ELMOD1: variants seen among roughly 807,000 people sequenced by gnomAD.
ELMOD1 encodes ELMO domain containing 1, also known as ELMO domain-containing protein 1.
A neutral mutation model predicts 46.7 loss-of-function variants in ELMOD1; 21 were observed. That is an observed-to-expected ratio of 0.45 (90% CI 0.32 to 0.65). The LOEUF is 0.65. ELMOD1 is among the 30% of genes least tolerant of loss of function. The probability of loss-of-function intolerance (pLI) is 0.04; values close to 1 mark genes in which losing one functional copy is unlikely to be tolerated. For synonymous variants in ELMOD1, 122 were observed against 138.2 expected (o/e 0.88, Z 0.82); for missense variants, 348 against 407.8 (o/e 0.85, Z 1.26).
intron 7 of ELMOD1, among the ~76,000 whole-genome samples, chr11:107,648,365 G>A (rs142498579): frequency 3.3e-5 from 5 of 152,166 alleles, no homozygotes; most frequent in East Asian, 3.9e-4. Flanking sequence ...ACTTGTATCC[G>A]TCCCCTGTAT....
rs75427336 is a variant in ELMOD1 at position 107,611,264 on chromosome 11, C to T, written c.-85-6841C>T. Among the ~76,000 whole-genome samples the T allele has an allele frequency of 7.4e-3, 1,122 of 152,138 alleles. 10 individuals carry two copies. The highest frequency in any genetic ancestry group is 0.031 in the Middle Eastern group (9 of 294). ...ATTAAACTAAAGAACTTCTGCATGG[C>T]AAAAGAAATTATTGACAAAGTAAAC... On this transcript the variant is annotated intron_variant, in intron 1 of 11. Coordinates refer to ENST00000265840, the MANE Select transcript of ELMOD1 (RefSeq NM_018712.4).
In ELMOD1 at chr11:107,645,410, G is replaced by A. The variant is rs7933340; in HGVS notation, c.421-2058G>A. Among the ~76,000 whole-genome samples, 289 of 152,096 alleles carry A rather than the reference G, an allele frequency of 1.9e-3. 1 individual carries two copies. The highest frequency in any genetic ancestry group is 6.0e-3 in the African/African-American group (251 of 41,488). On this transcript the variant is annotated intron_variant, in intron 6 of 11. Coordinates refer to ENST00000265840, the MANE Select transcript of ELMOD1 (RefSeq NM_018712.4). Reference sequence around the variant, plus strand: ...GCTATCTCGACTCACTGCAAGCTCCGCCTCCTGGGTTCAAGCAATTCTCCT... The same window carrying A: ...GCTATCTCGACTCACTGCAAGCTCCACCTCCTGGGTTCAAGCAATTCTCCT...
chr11:107,651,504 A>G lies in ELMOD1; in HGVS notation c.647+596A>G, dbSNP rs1866525450. Among the ~76,000 whole-genome samples the G allele has an allele frequency of 2.6e-5, 4 of 152,018 alleles. No individual in the cohort carries two copies. The South Asian group carries it at 8.3e-4, about 31-fold the overall frequency. ...TGGGCTTTTTTTCCCCCTCCACCTT[A>G]CTATTTTACTCATTCTAGCTTCATT... On this transcript the variant is annotated intron_variant, in intron 9 of 11. Transcript: ENST00000265840.
At chr11:107,591,696 G>A (rs1865395371) in intron 1 of ELMOD1, 4 of 368,556 alleles carry the variant, frequency 1.1e-5, no homozygotes. Context: ...CTCGGCCCGG[G>A]CGTAGGTCGC....
chr11:107,630,448 T>C lies in ELMOD1; in HGVS notation c.49T>C (p.Cys17Arg). ...MLIQVCLYFY[C>R]KFLWRCLKFV... ...GATCCAGGTATGCCTGTATTTTTAC[T>C]GTAAATTTCTGTGGCGCTGCCTGAA... The change falls in exon 3 of 12, where the codon TGT becomes CGT. Residue 17 changes from cysteine to arginine, a missense_variant. By Grantham distance (180) the Cys-to-Arg change is radical. Transcript: ENST00000265840. The C allele has an allele frequency of 6.2e-7, 1 of 1,603,182 alleles. No homozygotes were observed.
At chr11:107,605,935 C>T (rs771670411) in intron 1 of ELMOD1, among the ~76,000 whole-genome samples, 1 of 152,082 alleles carries the variant, frequency 6.6e-6, no homozygotes, top group Non-Finnish European at 1.5e-5. Flanking sequence ...TTTTTCGTGT[C>T]GCTTCTTTCT....
intron 2 of ELMOD1, 86 bp from the exon 3 acceptor site, chr11:107,630,331 C>T: frequency 7.8e-7 from 1 of 1,281,912 alleles, no homozygotes. Context: ...TGATTTTCTC[C>T]TGGGCTTCTT....
intron 6 of ELMOD1, among the ~76,000 whole-genome samples, chr11:107,645,899 C>T (rs1866419811): frequency 6.6e-6 from 1 of 152,102 alleles, no homozygotes; most frequent in East Asian, 1.9e-4. Context: ...TATTTTCTGT[C>T]ATTGAATATT....
intron 1 of ELMOD1, among the ~76,000 whole-genome samples, chr11:107,608,044 AG>A (rs1430895530): frequency 7.3e-5 from 11 of 150,290 alleles, no homozygotes; most frequent in Admixed American, 1.3e-4. Flanking sequence ...GAAAAAAAAA[AG>A]AAAAAAAAAC....
At chr11:107,628,411 C>T (rs1310078698) in intron 2 of ELMOD1, among the ~76,000 whole-genome samples, 6 of 152,190 alleles carry the variant, frequency 3.9e-5, no homozygotes, top group Non-Finnish European at 8.8e-5. Context: ...TTGATCCACC[C>T]GCCTCAGCCT....
intron 6 of ELMOD1, among the ~76,000 whole-genome samples, chr11:107,645,365 C>T (rs1317795196): frequency 1.3e-5 from 2 of 151,938 alleles, no homozygotes; most frequent in Admixed American, 1.3e-4. Flanking sequence ...GCTCTTGTGC[C>T]CAGGCAGGAG....
At chr11:107,650,056 CT>C (rs1327619918) in intron 7 of ELMOD1, among the ~76,000 whole-genome samples, 1 of 152,120 alleles carries the variant, frequency 6.6e-6, no homozygotes, top group Non-Finnish European at 1.5e-5. Flanking sequence ...TAATAAAATC[CT>C]TGGTTCTCTG....
At chr11:107,594,873 T>C (rs12577893) in intron 1 of ELMOD1, among the ~76,000 whole-genome samples, 18,327 of 152,216 alleles carry the variant, frequency 0.12, 1,353 homozygotes, top group African/African-American at 0.21. Flanking sequence ...TAGCACTATG[T>C]GAAAATGACT....
chr11:107,620,359 C>T (rs900480547), intron 2 of ELMOD1: 1 of 152,090 alleles, frequency 6.6e-6, no homozygotes, highest in African/African-American at 2.4e-5. Context: ...TACCCAATTG[C>T]TACCATCAGA....
At chr11:107,625,319 CTG>C (rs557021385) in intron 2 of ELMOD1, 365 of 810,290 alleles carry the variant, frequency 4.5e-4, no homozygotes, top group African/African-American at 3.9e-3. Flanking sequence ...ATTTGGGAAA[CTG>C]TGGTTTGAAC....
intron 9 of ELMOD1, among the ~76,000 whole-genome samples, chr11:107,652,796 G>C (rs992044679): frequency 6.6e-6 from 1 of 152,166 alleles, no homozygotes; most frequent in Non-Finnish European, 1.5e-5. Flanking sequence ...GCCATTTATA[G>C]AATAGAAAGT....
At chr11:107,618,846 TG>T (rs1865902444) in intron 2 of ELMOD1, among the ~76,000 whole-genome samples, 2 of 152,228 alleles carry the variant, frequency 1.3e-5, no homozygotes, top group South Asian at 4.1e-4. Flanking sequence ...GAGTATTGAC[TG>T]TCATTCAGTT....
At chr11:107,657,297 A>C (rs149297856) in intron 11 of ELMOD1, among the ~76,000 whole-genome samples, 2,425 of 152,284 alleles carry the variant, frequency 0.016, 56 homozygotes, top group African/African-American at 0.049. Flanking sequence ...TAATCCCAGC[A>C]GTTTGGGAGG....
chr11:107,606,903 T>TA (rs1865694499), intron 1 of ELMOD1, among the ~76,000 whole-genome samples: 1 of 152,018 alleles, frequency 6.6e-6, no homozygotes, highest in Non-Finnish European at 1.5e-5. Flanking sequence ...ACAAAGAGAG[T>TA]AAATTTCAAG....
Sources: allele counts gnomAD v4.1 joint callset (sites outside exome capture counted in the v4.1 genomes callset), GRCh38; gene constraint gnomAD v4.1.1; transcripts MANE v1.5; gene names NCBI Gene and HGNC (gene_info 2026-07-23, HGNC 2026-07-21).